The following CSMD2 variants were observed in gnomAD, a reference collection of about 807,000 sequenced individuals.
CSMD2 encodes the protein CUB and Sushi multiple domains 2.
Under a neutral mutation model 398.5 loss-of-function variants are expected in CSMD2, and 130 were observed. That is an observed-to-expected ratio of 0.33 (90% confidence interval 0.28 to 0.38). CSMD2 has a LOEUF of 0.38. Ranked by LOEUF, CSMD2 falls within the 10% of genes least tolerant of loss-of-function variation. The pLI is 1.00. For synonymous variants in CSMD2, 1,828 were observed against 1,908.5 expected (o/e 0.96, Z 1.10); for missense variants, 3,829 against 4,764.9 (o/e 0.80, Z 5.78).
chr1:33,753,275 A>G (rs562241023), intron 13 of CSMD2, among the ~76,000 whole-genome samples: 1 of 152,176 alleles, frequency 6.6e-6, no homozygotes, highest in Non-Finnish European at 1.5e-5. Context: ...CCAGGAGGAA[A>G]GAATGATTTC....
intron 25 of CSMD2, among the ~76,000 whole-genome samples, chr1:33,684,440 G>A (rs989937992): frequency 3.9e-5 from 6 of 152,324 alleles, no homozygotes; most frequent in Non-Finnish European, 7.3e-5. Context: ...CATCGGCAGA[G>A]GACTGTCTCC....
intron 62 of CSMD2, among the ~76,000 whole-genome samples, chr1:33,534,197 C>T (rs1334251841): frequency 6.6e-6 from 1 of 152,140 alleles, no homozygotes; most frequent in Non-Finnish European, 1.5e-5. Flanking sequence ...CTGGCTTCTG[C>T]ATTTACTCAG....
rs983471778 is a variant in CSMD2 at position 33,577,267 on chromosome 1, T to C, written c.7576+29A>G. 1.9e-6 allele frequency: 3 copies of C among 1,574,766 alleles called. No individual in the cohort carries two copies. The South Asian group carries it at 3.5e-5, about 18-fold the overall frequency. The stretch of plus-strand genomic sequence containing the variant: ...AGATATGAGTTGGATCCGAGCTACC[T>C]TGTGACCCCCTTTCCACCTGCTTCT... On this transcript the variant is annotated intron_variant, in intron 49 of 70. Transcript: ENST00000373381.
At chr1:33,974,960 C>T (rs1399625399) in intron 3 of CSMD2, among the ~76,000 whole-genome samples, 1 of 152,180 alleles carries the variant, frequency 6.6e-6, no homozygotes. Flanking sequence ...GAACAGCCAC[C>T]CTGAGTCAGC....
chr1:34,159,736 A>T (rs560439611), intron 1 of CSMD2, among the ~76,000 whole-genome samples: 60 of 152,352 alleles, frequency 3.9e-4, no homozygotes, highest in African/African-American at 1.3e-3. Flanking sequence ...AGTGCCGGTG[A>T]GTACTCAGTG....
intron 3 of CSMD2, among the ~76,000 whole-genome samples, chr1:33,981,490 C>G (rs183759292): frequency 2.0e-5 from 3 of 152,332 alleles, no homozygotes; most frequent in Admixed American, 6.5e-5. Context: ...CTGACTTGTG[C>G]TAGGGGCTGT....
chr1:33,569,907 C>T (rs760070353), intron 51 of CSMD2, among the ~76,000 whole-genome samples: 8 of 152,186 alleles, frequency 5.3e-5, no homozygotes, highest in Non-Finnish European at 1.0e-4. Context: ...CCTGGGCAGA[C>T]ACTGCTAATC....
In CSMD2 at chr1:33,928,260, C is replaced by T. The variant is rs556833729; in HGVS notation, c.712+7500G>A. ...TGTAATCACAGGTAAAGCACTGCAC[C>T]TCTCTGGGCCTCAGTTTCCTCACTT... On this transcript the variant is annotated intron_variant, in intron 4 of 70. Transcript: ENST00000373381. Among the ~76,000 whole-genome samples the T allele has an allele frequency of 2.0e-5, 3 of 152,304 alleles. No individual in the cohort carries two copies. In the East Asian group the frequency reaches 5.8e-4, roughly 29 times the overall value.
At chr1:33,956,724 C>A (rs1200366752) in intron 3 of CSMD2, among the ~76,000 whole-genome samples, 1 of 152,098 alleles carries the variant, frequency 6.6e-6, no homozygotes, top group African/African-American at 2.4e-5. Flanking sequence ...GGCCCAAGCC[C>A]CAGTCTCCTT....
chr1:34,099,367 TAC>T (rs1331240829), intron 1 of CSMD2, among the ~76,000 whole-genome samples: 6 of 152,132 alleles, frequency 3.9e-5, no homozygotes, highest in Admixed American at 6.6e-5. Context: ...GCTAGAGGGG[TAC>T]ACAGAGTGGT....
chr1:33,985,220 A>G (rs1646315387), intron 3 of CSMD2, among the ~76,000 whole-genome samples: 1 of 152,206 alleles, frequency 6.6e-6, no homozygotes, highest in Non-Finnish European at 1.5e-5. Context: ...CTCAAAACTC[A>G]GGACTTAGCC....
At position 33,742,579 on chromosome 1, in the gene CSMD2, C is replaced by G. The variant is rs77078060; in HGVS notation, c.2173+701G>C. Among the ~76,000 whole-genome samples, 35 of 32,456 alleles carry G rather than the reference C, an allele frequency of 1.1e-3. 1 individual carries two copies. Among genetic ancestry groups the G allele is most frequent in the Non-Finnish European group, 1.7e-3 (25 of 14,840 alleles). 21.3% of individuals were successfully genotyped at this position (32,456 alleles called of 152,430 possible). On this transcript the variant is annotated intron_variant, in intron 14 of 70. Coordinates refer to ENST00000373381, the MANE Select transcript of CSMD2 (RefSeq NM_001281956.2). ...CTATTTCTAGTCACCAAGCTTCTGC[C>G]CCCCCCCCCCCAACCCCCTCTGTAA...
intron 37 of CSMD2, among the ~76,000 whole-genome samples, chr1:33,620,806 C>CTT (rs34986869): frequency 0.046 from 4,212 of 91,888 alleles, 185 homozygotes; most frequent in African/African-American, 0.082. Flanking sequence ...TGTCCTGGGT[C>CTT]TTTTTTTTTT....
rs1444051590 is a variant in CSMD2, at chr1:33,519,414, G to T, written c.*53+51C>A. ...TGGGTGGAGCCCCTGGCACGCATAG[G>T]TCCCTGTCTGTGCTTGTCATGGCCT... On this transcript the variant is annotated intron_variant, in intron 70 of 70. Transcript: ENST00000373381. This position sits in a 1 kb window ranked among gnomAD's most constrained non-coding sequence, Gnocchi z 5.6. The T allele has an allele frequency of 3.4e-6, 4 of 1,186,970 alleles. No homozygotes were observed. The highest frequency in any genetic ancestry group is 3.7e-6 in the Non-Finnish European group (3 of 818,268). 73.5% of individuals were successfully genotyped at this position (1,186,970 alleles called of 1,614,324 possible). A position where few individuals can be genotyped will look rare whatever the true frequency, so the allele number is the denominator to read the frequency against.
At chr1:34,076,929 ATATATAT>A (rs1373021210) in intron 2 of CSMD2, among the ~76,000 whole-genome samples, 17 of 47,338 alleles carry the variant, frequency 3.6e-4, no homozygotes, top group African/African-American at 1.3e-3. Flanking sequence ...AAAAAAAAAA[ATATATAT>A]ATATATATAT....
Position 33,652,467 on chromosome 1 carries a change from G to A in CSMD2, c.4448-6C>T. The A allele has an allele frequency of 6.2e-7, 1 of 1,613,644 alleles. No homozygotes were observed. The highest frequency in any genetic ancestry group is 8.5e-7 in the Non-Finnish European group (1 of 1,179,598). ...CAGGTCTCCCCCGCAGGGAGCTGAGGAGAGAAGAAGACGAGGGTGAGGCTG... is the reference window on the plus strand; with the variant it reads ...CAGGTCTCCCCCGCAGGGAGCTGAGAAGAGAAGAAGACGAGGGTGAGGCTG... On this transcript the variant is annotated splice_region_variant and splice_polypyrimidine_tract_variant and intron_variant, in intron 27 of 70. Transcript: ENST00000373381.
intron 1 of CSMD2, among the ~76,000 whole-genome samples, chr1:34,153,469 T>G (rs1640516700): frequency 6.6e-6 from 1 of 152,254 alleles, no homozygotes; most frequent in South Asian, 2.1e-4. Context: ...ACACATGGGT[T>G]GCTTCCGCCA....
At chr1:33,989,885 C>T (rs10914830) in intron 3 of CSMD2, among the ~76,000 whole-genome samples, 14,581 of 151,966 alleles carry the variant, frequency 0.096, 1,286 homozygotes, top group East Asian at 0.42. Flanking sequence ...CTTTTGGGGG[C>T]GATGGAGATG....
At chr1:34,006,339 T>A (rs547853705) in intron 3 of CSMD2, among the ~76,000 whole-genome samples, 10 of 152,200 alleles carry the variant, frequency 6.6e-5, no homozygotes, top group African/African-American at 2.4e-4. Flanking sequence ...AGACCCCACC[T>A]ACACCTGCTT....
Sources: allele counts gnomAD v4.1 joint callset (sites outside exome capture counted in the v4.1 genomes callset), GRCh38; gene constraint gnomAD v4.1.1; non-coding constraint Gnocchi (gnomAD v3.1); transcripts MANE v1.5; gene names NCBI Gene and HGNC (gene_info 2026-07-23, HGNC 2026-07-21).